GPC6: variants seen among roughly 807,000 people sequenced by gnomAD.
GPC6 encodes the protein glypican 6.
Under a neutral mutation model 55.2 loss-of-function variants are expected in GPC6, and 14 were observed. The ratio of observed to expected loss-of-function variants is 0.25; its 90% CI spans 0.17 to 0.40. GPC6 has a LOEUF of 0.40. Ranked by LOEUF, GPC6 falls within the 10% of genes least tolerant of loss-of-function variation. GPC6 has a pLI of 1.00. For synonymous variants in GPC6, 278 were observed against 259.6 expected (o/e 1.07, Z -0.68); for missense variants, 641 against 708.5 (o/e 0.90, Z 1.08).
intron 4 of GPC6, among the ~76,000 whole-genome samples, chr13:94,041,506 CT>C: frequency 6.6e-6 from 1 of 151,790 alleles, no homozygotes; most frequent in Non-Finnish European, 1.5e-5. Context: ...CACGTGTGAT[CT>C]TTTTATGCTT....
At chr13:93,935,121 T>C (rs1315514705) in intron 3 of GPC6, among the ~76,000 whole-genome samples, 1 of 152,230 alleles carries the variant, frequency 6.6e-6, no homozygotes, top group Non-Finnish European at 1.5e-5. Context: ...GCTGGTTTTT[T>C]TAATTTTAGG....
At chr13:94,226,032 C>T (rs1397504986) in intron 4 of GPC6, among the ~76,000 whole-genome samples, 2 of 152,062 alleles carry the variant, frequency 1.3e-5, no homozygotes, top group Admixed American at 1.3e-4. Flanking sequence ...TCTCCACAGC[C>T]CTCCTGCTAA....
At chr13:94,286,526 G>GTATT in intron 5 of GPC6, 47 bp downstream of exon 5, 2 of 1,552,756 alleles carry the variant, frequency 1.3e-6, no homozygotes, top group Non-Finnish European at 1.8e-6. Flanking sequence ...TGTTATACAG[G>GTATT]TGCAATAACC....
chr13:94,367,231 A>G (rs1297330761), intron 6 of GPC6, among the ~76,000 whole-genome samples: 2 of 152,230 alleles, frequency 1.3e-5, no homozygotes, highest in African/African-American at 4.8e-5. Context: ...AATCATTGCT[A>G]TTTCTCAGTC....
chr13:94,396,121 C>T (rs556852264), intron 7 of GPC6, among the ~76,000 whole-genome samples: 2 of 152,294 alleles, frequency 1.3e-5, no homozygotes, highest in South Asian at 4.2e-4. Context: ...TCCCTTTATC[C>T]CCTGGGGCCC....
At chr13:94,343,464 A>C (rs943342065) in intron 6 of GPC6, among the ~76,000 whole-genome samples, 8 of 152,192 alleles carry the variant, frequency 5.3e-5, no homozygotes, top group African/African-American at 1.9e-4. Flanking sequence ...ATCCAGATAC[A>C]GGGACAGAAA....
At chr13:93,810,191 G>A (rs1886655148) in intron 2 of GPC6, among the ~76,000 whole-genome samples, 1 of 152,110 alleles carries the variant, frequency 6.6e-6, no homozygotes, top group Non-Finnish European at 1.5e-5. Context: ...TCTTAAGAAA[G>A]AAAAAGAACT....
chr13:94,373,180 G>C (rs2139195457), intron 6 of GPC6, among the ~76,000 whole-genome samples: 1 of 152,264 alleles, frequency 6.6e-6, no homozygotes, highest in East Asian at 1.9e-4. Flanking sequence ...AAGGAACGCA[G>C]TTCCTCACCA....
At chr13:93,459,059 TTTA>T (rs1275127108) in intron 1 of GPC6, among the ~76,000 whole-genome samples, 1 of 152,176 alleles carries the variant, frequency 6.6e-6, no homozygotes, top group Non-Finnish European at 1.5e-5. Flanking sequence ...ATATTTGTAT[TTTA>T]TTATTATTAT....
chr13:93,730,506 G>A (rs1184745768), intron 2 of GPC6, among the ~76,000 whole-genome samples: 3 of 152,132 alleles, frequency 2.0e-5, no homozygotes, highest in Non-Finnish European at 4.4e-5. Context: ...CAGCAGAGAT[G>A]TCACTGGCAT....
intron 1 of GPC6, among the ~76,000 whole-genome samples, chr13:93,362,503 G>T (rs1881076963): frequency 6.6e-6 from 1 of 152,076 alleles, no homozygotes; most frequent in Non-Finnish European, 1.5e-5. Flanking sequence ...GCAAAGGAAA[G>T]GTGCCCAAAT....
chr13:93,235,236 G>T (rs1013436685), intron 1 of GPC6, among the ~76,000 whole-genome samples: 1 of 152,140 alleles, frequency 6.6e-6, no homozygotes, highest in Non-Finnish European at 1.5e-5. Context: ...TTGACAAAGG[G>T]CCATGAAAGA....
intron 2 of GPC6, among the ~76,000 whole-genome samples, chr13:93,789,379 C>G (rs1885920205): frequency 6.6e-6 from 1 of 150,700 alleles, no homozygotes; most frequent in Non-Finnish European, 1.5e-5. Context: ...AATGATGTGG[C>G]TCCTACTCTC....
At chr13:93,913,021 C>A (rs1877090915) in intron 3 of GPC6, among the ~76,000 whole-genome samples, 1 of 152,116 alleles carries the variant, frequency 6.6e-6, no homozygotes, top group Admixed American at 6.5e-5. Flanking sequence ...TATTTAGAGC[C>A]CACACTATTT....
intron 4 of GPC6, among the ~76,000 whole-genome samples, chr13:94,099,829 G>A (rs777971000): frequency 1.3e-5 from 2 of 152,110 alleles, no homozygotes; most frequent in Admixed American, 6.6e-5. Context: ...TTTAATGTTG[G>A]CAAGAAGGAA....
chr13:93,755,269 T>A (rs1205138684), intron 2 of GPC6, among the ~76,000 whole-genome samples: 1 of 151,180 alleles, frequency 6.6e-6, no homozygotes, highest in African/African-American at 2.4e-5. Flanking sequence ...GGAGTGAGAT[T>A]TTCCCTGGAG....
At chr13:93,343,914 C>T (rs1011455702) in intron 1 of GPC6, among the ~76,000 whole-genome samples, 3 of 152,172 alleles carry the variant, frequency 2.0e-5, no homozygotes, top group Non-Finnish European at 2.9e-5. Context: ...CTTTCTTCCT[C>T]TCTTTGGATA....
chr13:94,123,170 ATATT>A (rs1886695330), intron 4 of GPC6, among the ~76,000 whole-genome samples: 1 of 152,222 alleles, frequency 6.6e-6, no homozygotes, highest in South Asian at 2.1e-4. Flanking sequence ...CTATTAGTAA[ATATT>A]TAAGTATCAA....
At chr13:94,271,366 A>ACGCG (rs35593846) in intron 4 of GPC6, among the ~76,000 whole-genome samples, 1,377 of 131,224 alleles carry the variant, frequency 0.01, 19 homozygotes, top group South Asian at 0.021. Flanking sequence ...ACACACACAC[A>ACGCG]CGCGCGCGCG....
Sources: gnomAD v4.1 joint callset for allele counts (sites outside exome capture counted in the v4.1 genomes callset) on GRCh38, gnomAD v4.1.1 for gene constraint, MANE v1.5 for transcripts, NCBI Gene and HGNC (gene_info 2026-07-23, HGNC 2026-07-21) for gene names.